CSMD1: variants seen among roughly 807,000 people sequenced by gnomAD.
The protein encoded by CSMD1 is CUB and Sushi multiple domains 1.
Under a neutral mutation model 417.5 loss-of-function variants are expected in CSMD1, and 213 were observed. The ratio of observed to expected loss-of-function variants is 0.51; its 90% CI spans 0.46 to 0.57. The LOEUF (loss-of-function observed/expected upper bound fraction) is 0.57. CSMD1 is among the 20% of genes least tolerant of loss of function. CSMD1 has a pLI of 0.00. For synonymous variants in CSMD1, 2,862 were observed against 1,736.8 expected, an observed-to-expected ratio of 1.65 and a Z score of -16.11; for missense variants, 6,923 against 4,529.7, an observed-to-expected ratio of 1.53 and a Z score of -15.17.
chr8:3,382,123 G>T (rs1358081640), intron 18 of CSMD1, among the ~76,000 whole-genome samples: 1 of 152,000 alleles, frequency 6.6e-6, no homozygotes, highest in African/African-American at 2.4e-5. Flanking sequence ...GCTGGGCATG[G>T]TGGTGGGAGC....
At chr8:4,189,672 T>A (rs1411910947) in intron 3 of CSMD1, among the ~76,000 whole-genome samples, 1 of 152,192 alleles carries the variant, frequency 6.6e-6, no homozygotes, top group Non-Finnish European at 1.5e-5. Context: ...TATCATGGAA[T>A]GCATTTGAAC....
chr8:4,717,204 G>A (rs1417519535), intron 1 of CSMD1, among the ~76,000 whole-genome samples: 1 of 151,432 alleles, frequency 6.6e-6, no homozygotes, highest in African/African-American at 2.4e-5. Flanking sequence ...AGGAGTAACA[G>A]TATTAACAGG....
chr8:3,212,686 G>T (rs1398633754), intron 30 of CSMD1, among the ~76,000 whole-genome samples: 1 of 151,980 alleles, frequency 6.6e-6, no homozygotes, highest in African/African-American at 2.4e-5. Context: ...CTCTACTGCT[G>T]GGTCCAGACA....
intron 5 of CSMD1, among the ~76,000 whole-genome samples, chr8:3,899,540 T>G (rs748460206): frequency 6.6e-6 from 1 of 152,120 alleles, no homozygotes; most frequent in Non-Finnish European, 1.5e-5. Context: ...TGGAAAAACA[T>G]CTAAGGACAT....
chr8:4,210,883 C>A (rs1051440347), intron 3 of CSMD1, among the ~76,000 whole-genome samples: 1 of 152,106 alleles, frequency 6.6e-6, no homozygotes, highest in Non-Finnish European at 1.5e-5. Context: ...CTTGGTCCCT[C>A]AGACCATATT....
chr8:3,273,046 C>G (rs990739390), intron 26 of CSMD1, among the ~76,000 whole-genome samples: 1 of 151,992 alleles, frequency 6.6e-6, no homozygotes, highest in South Asian at 2.1e-4. Context: ...TTTGCCCATT[C>G]GGTATGATAT....
chr8:3,470,357 T>A (rs1033317640), intron 11 of CSMD1, among the ~76,000 whole-genome samples: 3 of 152,208 alleles, frequency 2.0e-5, no homozygotes, highest in Non-Finnish European at 2.9e-5. Flanking sequence ...AAATTTTTAT[T>A]AAGATAATTG....
chr8:3,783,802 A>G lies in CSMD1; in HGVS notation c.819-29760T>C, dbSNP rs1322971817. On this transcript the variant is annotated intron_variant, in intron 5 of 69. Transcript: ENST00000635120. Reference sequence around the variant, plus strand: ...TCGCATAGGAGACACTGAGGCTTCCATATTGTAGGACAGCATTTTCCCACT... The same window carrying G: ...TCGCATAGGAGACACTGAGGCTTCCGTATTGTAGGACAGCATTTTCCCACT... Among the ~76,000 whole-genome samples the G allele has an allele frequency of 2.0e-5, 3 of 152,214 alleles. No homozygotes were observed. In the East Asian group the frequency reaches 5.8e-4, roughly 29 times the overall value.
chr8:3,162,417 A>C (rs532971655), intron 37 of CSMD1, 140 bp from the exon 38 acceptor site: 5 of 633,350 alleles, frequency 7.9e-6, no homozygotes, highest in Non-Finnish European at 1.4e-5. Flanking sequence ...TTATTCTACC[A>C]AGAAGACTTT....
intron 1 of CSMD1, among the ~76,000 whole-genome samples, chr8:4,828,893 C>G (rs776815848): frequency 3.3e-5 from 5 of 152,076 alleles, no homozygotes; most frequent in African/African-American, 1.2e-4. Flanking sequence ...TCCACATCCT[C>G]GTCCCAGTAC....
intron 5 of CSMD1, among the ~76,000 whole-genome samples, chr8:3,964,501 C>T (rs896163024): frequency 2.0e-5 from 3 of 152,168 alleles, no homozygotes; most frequent in African/African-American, 7.2e-5. Context: ...TCTTTCTAGC[C>T]TGCCATACTC....
intron 28 of CSMD1, among the ~76,000 whole-genome samples, chr8:3,222,083 G>C (rs938400284): frequency 6.6e-6 from 1 of 152,054 alleles, no homozygotes; most frequent in Admixed American, 6.5e-5. Context: ...CTCCAGATCA[G>C]AGAAGTCACT....
chr8:3,345,135 A>G (rs1028062112), intron 22 of CSMD1, among the ~76,000 whole-genome samples: 2 of 152,224 alleles, frequency 1.3e-5, no homozygotes, highest in Non-Finnish European at 2.9e-5. Context: ...AAAGAACTAG[A>G]CACTCAGTGA....
At chr8:3,438,353 G>C (rs1441278572) in intron 12 of CSMD1, among the ~76,000 whole-genome samples, 1 of 152,122 alleles carries the variant, frequency 6.6e-6, no homozygotes, top group South Asian at 2.1e-4. Context: ...GTTGAAACAG[G>C]TGAGATACAG....
At chr8:3,462,751 C>G (rs1346922532) in intron 12 of CSMD1, among the ~76,000 whole-genome samples, 1 of 152,192 alleles carries the variant, frequency 6.6e-6, no homozygotes, top group Non-Finnish European at 1.5e-5. Flanking sequence ...CATGGAAAAA[C>G]TGTCTACCTT....
At chr8:4,174,870 G>A (rs536862939) in intron 3 of CSMD1, among the ~76,000 whole-genome samples, 269 of 149,560 alleles carry the variant, frequency 1.8e-3, no homozygotes, top group African/African-American at 6.5e-3. Context: ...AAATATTGAT[G>A]TTAATGTACA....
At chr8:3,767,701 G>T (rs751649435) in intron 5 of CSMD1, among the ~76,000 whole-genome samples, 1 of 152,092 alleles carries the variant, frequency 6.6e-6, no homozygotes, top group Non-Finnish European at 1.5e-5. Context: ...ATATTATACA[G>T]TGTATGTCTA....
intron 5 of CSMD1, among the ~76,000 whole-genome samples, chr8:3,916,332 T>G (rs145820105): frequency 6.6e-6 from 1 of 152,176 alleles, no homozygotes; most frequent in Non-Finnish European, 1.5e-5. Context: ...GATATTTATA[T>G]AGCATGAATA....
intron 49 of CSMD1, among the ~76,000 whole-genome samples, chr8:3,069,167 G>A (rs1343538453): frequency 1.3e-5 from 2 of 152,136 alleles, no homozygotes. Context: ...CGGGCGCAGT[G>A]ACTCACACCT....
Sources: gnomAD v4.1 joint callset for allele counts (sites outside exome capture counted in the v4.1 genomes callset) on GRCh38, gnomAD v4.1.1 for gene constraint, MANE v1.5 for transcripts, NCBI Gene and HGNC (gene_info 2026-07-23, HGNC 2026-07-21) for gene names.